The following NUDT3 variants were observed in gnomAD, a reference collection of about 807,000 sequenced individuals.
NUDT3 encodes diphosphoinositol polyphosphate phosphohydrolase 1.
Under a neutral mutation model 23.6 loss-of-function variants are expected in NUDT3, and 9 were observed. The ratio of observed to expected loss-of-function variants is 0.38; its 90% CI spans 0.23 to 0.66. The LOEUF is 0.66. Among genes scored for constraint, NUDT3 ranks in the 30% least tolerant of loss-of-function variants. The pLI is 0.52. For synonymous variants in NUDT3, 86 were observed against 82.6 expected (o/e 1.04, Z -0.22); for missense variants, 172 against 218.5 (o/e 0.79, Z 1.34).
At position 34,312,639 on chromosome 6, in the gene NUDT3, A is replaced by G. The variant is rs1034977845; in HGVS notation, c.211-16954T>C. ...TGTCCATGCAAAAACTTGCATATCA[A>G]TGTGGGTCTATTTCTGGGCTCACTA... On this transcript the variant is annotated intron_variant, in intron 2 of 4. Transcript: ENST00000607016. 3.3e-5 allele frequency among the ~76,000 whole-genome samples: 5 copies of G among 152,212 alleles called. No homozygotes were observed. The East Asian group carries it at 5.8e-4, about 18-fold the overall frequency.
At chr6:34,345,231 G>A (rs1335892633) in intron 1 of NUDT3, among the ~76,000 whole-genome samples, 1 of 151,566 alleles carries the variant, frequency 6.6e-6, no homozygotes, top group Admixed American at 6.6e-5. Context: ...TGTATTTTTA[G>A]TAGAGACGGG....
At chr6:34,328,742 CT>C (rs1764081170) in intron 2 of NUDT3, among the ~76,000 whole-genome samples, 1 of 152,174 alleles carries the variant, frequency 6.6e-6, no homozygotes, top group Non-Finnish European at 1.5e-5. Context: ...CCGGAGACCC[CT>C]GACCATATTA....
At chr6:34,300,941 G>A (rs1386949074) in intron 2 of NUDT3, among the ~76,000 whole-genome samples, 1 of 152,074 alleles carries the variant, frequency 6.6e-6, no homozygotes, top group African/African-American at 2.4e-5. Flanking sequence ...TTTACTACTT[G>A]GGTATGTATC....
chr6:34,358,514 A>C (rs1400550769), intron 1 of NUDT3, among the ~76,000 whole-genome samples: 1 of 152,160 alleles, frequency 6.6e-6, no homozygotes, highest in Non-Finnish European at 1.5e-5. Context: ...ATTATTTCAA[A>C]GGAGTCACAG....
At chr6:34,324,764 CA>C (rs1296988886) in intron 2 of NUDT3, among the ~76,000 whole-genome samples, 236 of 152,312 alleles carry the variant, frequency 1.5e-3, no homozygotes, top group African/African-American at 5.1e-3. Flanking sequence ...AAAAGTCAAT[CA>C]TCTTAAGGAT....
chr6:34,355,313 G>C (rs1764545283), intron 1 of NUDT3, among the ~76,000 whole-genome samples: 1 of 152,074 alleles, frequency 6.6e-6, no homozygotes, highest in Non-Finnish European at 1.5e-5. Flanking sequence ...TAGTCTGTCA[G>C]TGTGGTAAAT....
intron 2 of NUDT3, among the ~76,000 whole-genome samples, chr6:34,297,733 ATATAT>A (rs1763528900): frequency 7.7e-5 from 2 of 25,978 alleles, no homozygotes. Flanking sequence ...AAAAAAAAAT[ATATAT>A]ATATATATAT....
rs559086989 is a variant in NUDT3 at position 34,346,279 on chromosome 6, T to C, written c.100-4307A>G. 2.0e-5 allele frequency among the ~76,000 whole-genome samples: 3 copies of C among 152,236 alleles called. No individual in the cohort carries two copies. The South Asian group carries it at 6.2e-4, about 32-fold the overall frequency. ...TCATATTTATCCAACTACAAAAAGA[T>C]TCAAGAAGAAAAAGTAGTAAAATGG... On this transcript the variant is annotated intron_variant, in intron 1 of 4. Transcript: ENST00000607016.
chr6:34,392,247 C>A lies in NUDT3; in HGVS notation c.99+17G>T. The A allele has an allele frequency of 1.3e-6, 2 of 1,570,270 alleles. No individual in the cohort carries two copies. The highest frequency in any genetic ancestry group is 1.7e-6 in the Non-Finnish European group (2 of 1,164,970). On this transcript the variant is annotated intron_variant, in intron 1 of 4. Coordinates refer to ENST00000607016, the MANE Select transcript of NUDT3 (RefSeq NM_006703.4). ...CGGAGACCCGGCGACCCCGGCCCGC[C>A]CAGCCTGCCGCCTCACCTCCTCCTC...
intron 2 of NUDT3, among the ~76,000 whole-genome samples, chr6:34,319,293 C>G (rs1477160530): frequency 1.3e-5 from 2 of 152,124 alleles, no homozygotes; most frequent in African/African-American, 4.8e-5. Context: ...GGCTCAGTCC[C>G]ACAACACCCT....
chr6:34,304,439 G>C (rs1763646653), intron 2 of NUDT3, among the ~76,000 whole-genome samples: 1 of 151,628 alleles, frequency 6.6e-6, no homozygotes, highest in Admixed American at 6.6e-5. Context: ...AAGGAAAAAG[G>C]AAAGGAAGAG....
intron 2 of NUDT3, among the ~76,000 whole-genome samples, chr6:34,336,864 G>A (rs948908085): frequency 6.6e-6 from 1 of 152,068 alleles, no homozygotes. Context: ...TCAAAAAGTG[G>A]CTATTAAAAT....
intron 2 of NUDT3, among the ~76,000 whole-genome samples, chr6:34,311,929 T>C (rs774194063): frequency 8.5e-5 from 13 of 152,112 alleles, no homozygotes; most frequent in Non-Finnish European, 1.6e-4. Flanking sequence ...TAACTCAAAA[T>C]GGATCACAGA....
intron 2 of NUDT3, among the ~76,000 whole-genome samples, chr6:34,301,927 T>G (rs1434121143): frequency 6.6e-6 from 1 of 152,208 alleles, no homozygotes; most frequent in East Asian, 1.9e-4. Flanking sequence ...ATTGTGCACT[T>G]TTTCCTACTT....
At chr6:34,327,512 G>C (rs1262839142) in intron 2 of NUDT3, among the ~76,000 whole-genome samples, 1 of 148,696 alleles carries the variant, frequency 6.7e-6, no homozygotes, top group African/African-American at 2.5e-5. Context: ...CCTAGCAATA[G>C]GGCGAGACTC....
Position 34,391,735 on chromosome 6 carries a change from T to G in NUDT3, c.99+529A>C, listed in dbSNP as rs558261287. On this transcript the variant is annotated intron_variant, in intron 1 of 4. Coordinates refer to ENST00000607016, the MANE Select transcript of NUDT3 (RefSeq NM_006703.4). ...TGGCTTATGCACAACGCCCTAAATC[T>G]TCCGAAGACACCCCACCCCCACCCC... 4.0e-5 allele frequency among the ~76,000 whole-genome samples: 6 copies of G among 151,758 alleles called. 1 individual carries two copies. Among genetic ancestry groups the G allele is most frequent in the African/African-American group, 1.5e-4 (6 of 41,214 alleles).
At chr6:34,362,729 T>C (rs561069552) in intron 1 of NUDT3, among the ~76,000 whole-genome samples, 13 of 152,240 alleles carry the variant, frequency 8.5e-5, no homozygotes, top group African/African-American at 2.9e-4. Context: ...GTGCTGGGAT[T>C]ACAGGCGTGA....
Position 34,341,880 on chromosome 6 carries a change from A to G in NUDT3, c.192T>C (p.Val64=), listed in dbSNP as rs766326841. 2 of 1,613,900 alleles carry G rather than the reference A, an allele frequency of 1.2e-6. No homozygotes were observed. The highest frequency in any genetic ancestry group is 2.7e-5 in the African/African-American group (2 of 74,908). ...TGCATACCTCCTCACAGACTTCACG[A>G]ACTGCTGCCACACTTGGCTCCTCCT... is the stretch of plus-strand genomic sequence containing the variant. ...EPEEEPSVAA[V]REVCEEAGVK... is the part of the protein sequence containing the mutation. Residue 64 remains valine, a synonymous_variant, in exon 2 of 5, where the codon GTT becomes GTC. Coordinates refer to ENST00000607016, the MANE Select transcript of NUDT3 (RefSeq NM_006703.4).
intron 2 of NUDT3, among the ~76,000 whole-genome samples, chr6:34,312,791 T>C (rs1036080481): frequency 6.6e-6 from 1 of 152,314 alleles, no homozygotes; most frequent in South Asian, 2.1e-4. Context: ...AGTAGGTGAA[T>C]GGATAAATAA....
Sources: gnomAD v4.1 joint callset for allele counts (sites outside exome capture counted in the v4.1 genomes callset) on GRCh38, gnomAD v4.1.1 for gene constraint, MANE v1.5 for transcripts, NCBI Gene and HGNC (gene_info 2026-07-23, HGNC 2026-07-21) for gene names.